The following MB21D2 variants were observed in gnomAD, a reference collection of about 807,000 sequenced individuals.
MB21D2 encodes the protein Mab-21 domain containing 2, also known as nucleotidyltransferase MB21D2.
Under a neutral mutation model 33.3 loss-of-function variants are expected in MB21D2, and 9 were observed. The observed-to-expected ratio is 0.27, with a 90% confidence interval of 0.16 to 0.47. MB21D2 has a LOEUF of 0.47. Ranked by LOEUF, MB21D2 falls within the 20% of genes least tolerant of loss-of-function variation. The pLI, the probability that MB21D2 is intolerant of heterozygous loss-of-function variation, is 0.99. For missense variants in MB21D2, 540 were observed against 624.6 expected (o/e 0.86, Z 1.44); for synonymous variants, 241 against 236.3 (o/e 1.02, Z -0.18).
chr3:192,805,050 G>A (rs1711633909), intron 1 of MB21D2, among the ~76,000 whole-genome samples: 1 of 152,236 alleles, frequency 6.6e-6, no homozygotes, highest in African/African-American at 2.4e-5. Context: ...CGGCCTTAGT[G>A]ACAGATTACC....
intron 1 of MB21D2, among the ~76,000 whole-genome samples, chr3:192,840,009 G>A (rs1227601504): frequency 6.6e-6 from 1 of 152,156 alleles, no homozygotes; most frequent in African/African-American, 2.4e-5. Context: ...CCTATGCAGA[G>A]ATAAGAAAAG....
chr3:192,813,276 G>A (rs1304475103), intron 1 of MB21D2, among the ~76,000 whole-genome samples: 1 of 149,928 alleles, frequency 6.7e-6, no homozygotes, highest in Non-Finnish European at 1.5e-5. Flanking sequence ...AGGCAGAGTT[G>A]TCCGCTTGCA....
At chr3:192,851,165 A>T (rs1037429724) in intron 1 of MB21D2, among the ~76,000 whole-genome samples, 2 of 152,262 alleles carry the variant, frequency 1.3e-5, no homozygotes, top group African/African-American at 4.8e-5. Context: ...GCCACACCAT[A>T]GAATAGAATT....
intron 1 of MB21D2, among the ~76,000 whole-genome samples, chr3:192,878,922 C>T (rs1269730494): frequency 6.6e-6 from 1 of 152,164 alleles, no homozygotes; most frequent in African/African-American, 2.4e-5. Context: ...CAAGACTGTG[C>T]CACTGCACTC....
chr3:192,827,052 G>A lies in MB21D2; in HGVS notation c.212-27402C>T, dbSNP rs192277268. On this transcript the variant is annotated intron_variant, in intron 1 of 1. Coordinates refer to ENST00000392452, the MANE Select transcript of MB21D2 (RefSeq NM_178496.4). ...GACTACAGTAGGTGCCCACCACCAC[G>A]TCCGGCTAATTTTTTGTATTTTTTT... is the stretch of plus-strand genomic sequence containing the variant. 1.6e-4 allele frequency among the ~76,000 whole-genome samples: 24 copies of A among 152,052 alleles called. No homozygotes were observed. In the East Asian group the frequency reaches 4.1e-3, roughly 26 times the overall value.
chr3:192,901,028 G>GC (rs1226242423), intron 1 of MB21D2, among the ~76,000 whole-genome samples: 10 of 152,032 alleles, frequency 6.6e-5, no homozygotes, highest in Non-Finnish European at 8.8e-5. Flanking sequence ...GCTTCAGGAA[G>GC]GAAACAGTAC....
intron 1 of MB21D2, among the ~76,000 whole-genome samples, chr3:192,878,051 C>T (rs770093447): frequency 1.3e-5 from 2 of 150,174 alleles, no homozygotes; most frequent in Non-Finnish European, 3.0e-5. Flanking sequence ...AGGAACGGCC[C>T]GTACGAAACA....
intron 1 of MB21D2, among the ~76,000 whole-genome samples, chr3:192,831,234 T>G (rs1176233959): frequency 6.6e-6 from 1 of 152,164 alleles, no homozygotes; most frequent in Non-Finnish European, 1.5e-5. Flanking sequence ...CACATGGGGA[T>G]GAGCCGAGGC....
intron 1 of MB21D2, among the ~76,000 whole-genome samples, chr3:192,891,689 T>C (rs1713856716): frequency 6.6e-6 from 1 of 152,136 alleles, no homozygotes; most frequent in South Asian, 2.1e-4. Context: ...AAAACTTAAA[T>C]GGGTCTTCCA....
chr3:192,813,300 AT>A (rs59125169), intron 1 of MB21D2, among the ~76,000 whole-genome samples: 7,317 of 42,952 alleles, frequency 0.17, 533 homozygotes, highest in African/African-American at 0.39. Flanking sequence ...ACTGCAGTTA[AT>A]TTTTTTTTTT....
At chr3:192,864,153 A>G (rs1713111491) in intron 1 of MB21D2, among the ~76,000 whole-genome samples, 1 of 152,198 alleles carries the variant, frequency 6.6e-6, no homozygotes, top group Admixed American at 6.5e-5. Context: ...TTTGTGCTAG[A>G]TCTTTAAAAA....
chr3:192,862,970 T>G (rs761223811), intron 1 of MB21D2, among the ~76,000 whole-genome samples: 3 of 152,144 alleles, frequency 2.0e-5, no homozygotes, highest in Non-Finnish European at 4.4e-5. Context: ...GAGGCCTCTT[T>G]TGTAAGGGCA....
intron 1 of MB21D2, among the ~76,000 whole-genome samples, chr3:192,904,399 G>A (rs1428601586): frequency 1.3e-5 from 2 of 152,152 alleles, no homozygotes; most frequent in Non-Finnish European, 2.9e-5. Flanking sequence ...TTGACCTACA[G>A]TTTTAAACCC....
At position 192,799,794 on chromosome 3, in the gene MB21D2, G is replaced by C; in HGVS notation, c.212-144C>G. 2.4e-6 allele frequency: 2 copies of C among 841,564 alleles called. No homozygotes were observed. The highest frequency in any genetic ancestry group is 3.9e-5 in the South Asian group (2 of 51,806). 52.1% of individuals were successfully genotyped at this position (841,564 alleles called of 1,614,324 possible). ...AAATCTCAGGCTGCTGCAGAGACCTGGCCAACAGTACTTTCTCACTAGTGC... is the reference window on the plus strand; with the variant it reads ...AAATCTCAGGCTGCTGCAGAGACCTCGCCAACAGTACTTTCTCACTAGTGC... On this transcript the variant is annotated intron_variant, in intron 1 of 1. Coordinates refer to ENST00000392452, the MANE Select transcript of MB21D2 (RefSeq NM_178496.4). This position sits in a 1 kb window ranked among gnomAD's most constrained non-coding sequence, Gnocchi z 4.1.
intron 1 of MB21D2, among the ~76,000 whole-genome samples, chr3:192,849,137 T>C (rs1013596193): frequency 6.6e-6 from 1 of 152,058 alleles, no homozygotes; most frequent in Non-Finnish European, 1.5e-5. Flanking sequence ...CAAACCACGA[T>C]CCTCTGGCCA....
intron 1 of MB21D2, among the ~76,000 whole-genome samples, chr3:192,808,543 A>C (rs939780490): frequency 1.3e-5 from 2 of 152,196 alleles, no homozygotes; most frequent in Admixed American, 1.3e-4. Flanking sequence ...ATCCGGCAGA[A>C]TTTTCTAGCA....
intron 1 of MB21D2, among the ~76,000 whole-genome samples, chr3:192,917,180 GTCTCCGCTCCCAA>G (rs1368631457): frequency 6.6e-6 from 1 of 152,190 alleles, no homozygotes; most frequent in Non-Finnish European, 1.5e-5. Flanking sequence ...GCCCTGAGCC[GTCTCCGCTCCCAA>G]GCTCGGGAGA....
At position 192,799,237 on chromosome 3, in the gene MB21D2, T is replaced by C. The variant is rs979425247; in HGVS notation, c.625A>G (p.Lys209Glu). ...IQKKPQRGMP[K>E]VEKVEKNGTI... ...CCATTTTTTTCCACCTTTTCTACCT[T>C]TGGCATCCCTCGCTGGGGTTTCTTC... Residue 209 changes from lysine (K) to glutamate (E), a missense_variant, in exon 2 of 2, where the codon AAG (lysine) becomes GAG (glutamate). By Grantham distance (56) the Lys-to-Glu change is moderately conservative. Coordinates refer to ENST00000392452, the MANE Select transcript of MB21D2 (RefSeq NM_178496.4). This position sits in a 1 kb window ranked among gnomAD's most constrained non-coding sequence, Gnocchi z 4.1. The C allele has an allele frequency of 3.1e-6, 5 of 1,614,094 alleles. No individual in the cohort carries two copies. Among genetic ancestry groups the C allele is most frequent in the Non-Finnish European group, 4.2e-6 (5 of 1,180,028 alleles).
intron 1 of MB21D2, among the ~76,000 whole-genome samples, chr3:192,817,413 AGG>A: frequency 1.3e-5 from 2 of 151,222 alleles, no homozygotes; most frequent in African/African-American, 4.9e-5. Flanking sequence ...AGAGGGAAGG[AGG>A]GAAGGAGGGA....
Sources: gnomAD v4.1 joint callset for allele counts (sites outside exome capture counted in the v4.1 genomes callset) on GRCh38, gnomAD v4.1.1 for gene constraint, Gnocchi (gnomAD v3.1) non-coding constraint, MANE v1.5 for transcripts, NCBI Gene and HGNC (gene_info 2026-07-23, HGNC 2026-07-21) for gene names.